The following GRIP1 variants were observed in gnomAD, a reference collection of about 807,000 sequenced individuals.
GRIP1 encodes glutamate receptor-interacting protein 1.
GRIP1 carries 45 observed loss-of-function variants against 129.9 expected under a neutral mutation model. The ratio of observed to expected loss-of-function variants is 0.35; its 90% CI spans 0.27 to 0.44. GRIP1 has a LOEUF of 0.44. Ranked by LOEUF, GRIP1 falls within the 20% of genes least tolerant of loss-of-function variation. GRIP1 has a pLI of 1.00. For synonymous variants in GRIP1, 530 were observed against 520.8 expected (o/e 1.02, Z -0.24); for missense variants, 1,196 against 1,396.8 (o/e 0.86, Z 2.29).
chr12:66,524,960 C>G (rs1001577362), intron 5 of GRIP1, among the ~76,000 whole-genome samples: 14 of 152,132 alleles, frequency 9.2e-5, no homozygotes, highest in Admixed American at 3.3e-4. Flanking sequence ...GACACATACA[C>G]CCTCCCAAGA....
At chr12:66,849,025 C>T (rs1373355448) in intron 1 of GRIP1, among the ~76,000 whole-genome samples, 2 of 152,142 alleles carry the variant, frequency 1.3e-5, no homozygotes, top group East Asian at 3.8e-4. Flanking sequence ...GTACTCCATC[C>T]TGCATATTGC....
chr12:66,716,510 T>C (rs891152396), intron 1 of GRIP1, among the ~76,000 whole-genome samples: 11 of 151,386 alleles, frequency 7.3e-5, no homozygotes, highest in African/African-American at 2.4e-4. Context: ...TTAATTTTAA[T>C]AAATTTTGAA....
chr12:66,505,753 T>C (rs1451933526), intron 7 of GRIP1, among the ~76,000 whole-genome samples: 1 of 152,212 alleles, frequency 6.6e-6, no homozygotes, highest in Non-Finnish European at 1.5e-5. Flanking sequence ...TGTACCAATT[T>C]TGGCATTTAT....
chr12:66,804,947 C>T (rs148973288), upstream of GRIP1, among the ~76,000 whole-genome samples: 39 of 152,172 alleles, frequency 2.6e-4, no homozygotes, highest in African/African-American at 8.2e-4. Flanking sequence ...TCAAATGACA[C>T]GTTTACCCAC....
chr12:66,520,936 T>C (rs17102626), intron 5 of GRIP1, among the ~76,000 whole-genome samples: 29,054 of 152,162 alleles, frequency 0.19, 2,848 homozygotes, highest in African/African-American at 0.22. Flanking sequence ...TTTGTATATA[T>C]CACCCTTCAG....
chr12:66,695,331 C>T (rs2035119959), intron 1 of GRIP1, among the ~76,000 whole-genome samples: 1 of 151,846 alleles, frequency 6.6e-6, no homozygotes, highest in South Asian at 2.1e-4. Context: ...GCAAATTCTT[C>T]CCCTCTCCTG....
chr12:66,966,849 T>C lies in GRIP1; in HGVS notation c.58+102201A>G, dbSNP rs192320221. ...CTGGCTGTGAGTAACTACCATAAAGTCGCTTCCTTGCCCTTTCCACACTAT... is the reference window on the plus strand; with the variant it reads ...CTGGCTGTGAGTAACTACCATAAAGCCGCTTCCTTGCCCTTTCCACACTAT... On this transcript the variant is annotated intron_variant, in intron 1 of 1. Transcript: ENST00000643019. Among the ~76,000 whole-genome samples, 10 of 152,236 alleles carry C rather than the reference T, an allele frequency of 6.6e-5. No homozygotes were observed. The East Asian group carries it at 1.2e-3, about 18-fold the overall frequency.
rs762564218 is a variant in GRIP1, at chr12:66,414,890, C to T, written c.1838+5830G>A. ...CATGGCACTGGGAGAACTGGCTAAT[C>T]GTATGCAGAAAATTAAAACTGGACC... On this transcript the variant is annotated intron_variant, in intron 15 of 24. Coordinates refer to ENST00000359742, the MANE Select transcript of GRIP1 (RefSeq NM_001366722.1). Among the ~76,000 whole-genome samples the T allele has an allele frequency of 4.9e-5, 7 of 144,108 alleles. No homozygotes were observed. The East Asian group carries it at 6.3e-4, about 13-fold the overall frequency. The allele number at this position is 144,108 out of a possible 152,430, so 94.5% of individuals were successfully genotyped here.
chr12:66,875,091 T>G (rs1354065741), intron 1 of GRIP1, among the ~76,000 whole-genome samples: 1 of 152,054 alleles, frequency 6.6e-6, no homozygotes, highest in East Asian at 1.9e-4. Flanking sequence ...AGGCATTTAA[T>G]AAGCATTTGT....
At chr12:66,839,435 T>G (rs1177636209) in intron 1 of GRIP1, among the ~76,000 whole-genome samples, 2 of 152,180 alleles carry the variant, frequency 1.3e-5, no homozygotes, top group Non-Finnish European at 2.9e-5. Flanking sequence ...GCAAGTTAAT[T>G]GCATGCAGTA....
chr12:66,729,941 T>C (rs1370472814), intron 1 of GRIP1, among the ~76,000 whole-genome samples: 1 of 152,212 alleles, frequency 6.6e-6, no homozygotes, highest in Non-Finnish European at 1.5e-5. Flanking sequence ...CTATAGCATA[T>C]ATCTTAAGGA....
At chr12:66,574,696 A>G (rs967278657) in intron 2 of GRIP1, among the ~76,000 whole-genome samples, 3 of 151,640 alleles carry the variant, frequency 2.0e-5, no homozygotes, top group Admixed American at 6.6e-5. Context: ...TTGCTATTAT[A>G]TTTTATACCC....
At chr12:66,594,067 C>CA (rs10661389) in intron 2 of GRIP1, among the ~76,000 whole-genome samples, 25,345 of 52,952 alleles carry the variant, frequency 0.48, 7,289 homozygotes, top group East Asian at 0.64. Flanking sequence ...GACTCCGTCT[C>CA]AAAAAAAAAA....
At chr12:66,946,794 TGTGGGGGCTGGGGGGGGC>T (rs2041677305) in intron 1 of GRIP1, among the ~76,000 whole-genome samples, 1 of 10,340 alleles carries the variant, frequency 9.7e-5, no homozygotes, top group African/African-American at 3.7e-4. Flanking sequence ...ATGGGGGGGG[TGTGGGGGCTGGGGGGGGC>T]GGCATGGATC....
intron 23 of GRIP1, among the ~76,000 whole-genome samples, chr12:66,365,070 A>G (rs1249054109): frequency 2.0e-5 from 3 of 152,192 alleles, no homozygotes; most frequent in Non-Finnish European, 2.9e-5. Flanking sequence ...ACATGTATCA[A>G]GATATCCCTT....
intron 1 of GRIP1, among the ~76,000 whole-genome samples, chr12:66,809,559 C>T (rs10878510): frequency 0.31 from 47,876 of 152,016 alleles, 8,122 homozygotes; most frequent in South Asian, 0.4. Flanking sequence ...CTCATTAGAC[C>T]CACTCCTACT....
At chr12:66,759,202 T>G (rs1293551228) in intron 1 of GRIP1, among the ~76,000 whole-genome samples, 1 of 152,238 alleles carries the variant, frequency 6.6e-6, no homozygotes, top group Non-Finnish European at 1.5e-5. Context: ...TTTTGACTTC[T>G]GTGCACCCAC....
chr12:66,531,833 G>A (rs1258046644), intron 4 of GRIP1, among the ~76,000 whole-genome samples: 1 of 151,994 alleles, frequency 6.6e-6, no homozygotes, highest in African/African-American at 2.4e-5. Flanking sequence ...GGAAAGGAAA[G>A]GATATGGAAA....
rs144257645 is a variant in GRIP1 at position 66,860,242 on chromosome 12, G to A, written c.58+208808C>T. Among the ~76,000 whole-genome samples, 334 of 152,192 alleles carry A rather than the reference G, an allele frequency of 2.2e-3. 5 individuals carry two copies. Among genetic ancestry groups the A allele is most frequent in the Admixed American group, 0.015 (225 of 15,266 alleles). ...GGGCTTTCGAGTCTGACCCAACTAG[G>A]TGGAAGCTTTAAGTCATCACGTGCT... is the stretch of plus-strand genomic sequence containing the variant. On this transcript the variant is annotated intron_variant, in intron 1 of 1. Coordinates refer to the GRIP1 transcript ENST00000643019.
Sources: gnomAD v4.1 joint callset for allele counts (sites outside exome capture counted in the v4.1 genomes callset) on GRCh38, gnomAD v4.1.1 for gene constraint, MANE v1.5 for transcripts, NCBI Gene and HGNC (gene_info 2026-07-23, HGNC 2026-07-21) for gene names.